WNK2: variants seen among roughly 807,000 people sequenced by gnomAD.
WNK2 encodes the protein serine/threonine-protein kinase WNK2.
WNK2 carries 67 observed loss-of-function variants against 192.1 expected under a neutral mutation model. That is an observed-to-expected ratio of 0.35 (90% CI 0.29 to 0.43). The LOEUF is 0.43. Among genes scored for constraint, WNK2 ranks in the 20% least tolerant of loss-of-function variants. WNK2 has a pLI of 1.00. For missense variants in WNK2, 2,698 were observed against 3,089.7 expected, an observed-to-expected ratio of 0.87 and a Z score of 3.01; for synonymous variants, 1,439 against 1,393.9, an observed-to-expected ratio of 1.03 and a Z score of -0.72.
At chr9:93,319,542 A>G (rs1011040968) in intron 29 of WNK2, among the ~76,000 whole-genome samples, 12 of 152,236 alleles carry the variant, frequency 7.9e-5, no homozygotes, top group African/African-American at 2.7e-4. Flanking sequence ...GGCTGTGACC[A>G]TGATGGAGGG....
Position 93,288,801 on chromosome 9 carries a change from T to C in WNK2, c.4047T>C (p.Tyr1349=). ...PPEASQDSAP[Y]KDQLSSKEQP... ...CATTTCTTCTAGATTCAGCGCCCTA[T>C]AAAGACCAGCTGTCCTCGAAGGAAC... The change falls in exon 20 of 30, where the codon TAT becomes TAC. Residue 1349 remains tyrosine (Y), a synonymous_variant. Coordinates refer to ENST00000427277, the MANE Select transcript of WNK2 (RefSeq NM_006648.4). 1 of 1,611,342 alleles carries C rather than the reference T, an allele frequency of 6.2e-7. No individual in the cohort carries two copies. The highest frequency in any genetic ancestry group is 8.5e-7 in the Non-Finnish European group (1 of 1,179,236).
chr9:93,275,483 C>T (rs1741473726), intron 19 of WNK2, among the ~76,000 whole-genome samples: 1 of 152,040 alleles, frequency 6.6e-6, no homozygotes, highest in South Asian at 2.1e-4. Flanking sequence ...TACATACACA[C>T]AACATAAAAA....
intron 12 of WNK2, among the ~76,000 whole-genome samples, chr9:93,260,800 G>C (rs575411753): frequency 6.6e-6 from 1 of 152,230 alleles, no homozygotes; most frequent in Non-Finnish European, 1.5e-5. Flanking sequence ...GCAGGTTTCA[G>C]CGGCAGCTCA....
intron 19 of WNK2, among the ~76,000 whole-genome samples, chr9:93,274,538 A>AAAAAAAAG (rs59244049): frequency 6.9e-6 from 1 of 145,396 alleles, no homozygotes. Context: ...AAAAAAAAAA[A>AAAAAAAAG]GAAAAAAAAC....
intron 2 of WNK2, among the ~76,000 whole-genome samples, chr9:93,202,325 C>CAT (rs1554679105): frequency 0.018 from 2,310 of 130,654 alleles, 59 homozygotes; most frequent in African/African-American, 0.06. Context: ...TCCGTGTGCA[C>CAT]GTGTGTGTGT....
Position 93,229,776 on chromosome 9 carries a change from C to T in WNK2, c.762C>T (p.Ile254=), listed in dbSNP as rs576508893. The change falls in exon 3 of 30, where the codon ATC becomes ATT. Residue 254 remains isoleucine (I), a synonymous_variant. Transcript: ENST00000427277. The surrounding 1 kb of genome is among the most constrained non-coding windows in gnomAD (Gnocchi z 4.9). ...TGAAAGGCCTGCAGCACCCCAACAT[C>T]GTGCGCTTCTACGACTTCTGGGAGT... ...EMLKGLQHPN[I]VRFYDFWESS... 2.7e-5 allele frequency: 43 copies of T among 1,613,880 alleles called. No individual in the cohort carries two copies. Among genetic ancestry groups the T allele is most frequent in the East Asian group, 1.8e-4 (8 of 44,884 alleles).
chr9:93,202,290 A>G (rs923846458), intron 2 of WNK2, among the ~76,000 whole-genome samples: 3 of 149,682 alleles, frequency 2.0e-5, no homozygotes, highest in African/African-American at 7.4e-5. Context: ...GGGACCTGGT[A>G]TGCTTCTCAG....
intron 2 of WNK2, among the ~76,000 whole-genome samples, chr9:93,186,368 T>C (rs1047854991): frequency 1.3e-5 from 2 of 152,142 alleles, no homozygotes; most frequent in African/African-American, 4.8e-5. Flanking sequence ...ATCACCGTGG[T>C]GTCAGCCCCA....
intron 8 of WNK2, among the ~76,000 whole-genome samples, chr9:93,248,905 T>C (rs1459802997): frequency 6.6e-6 from 1 of 152,242 alleles, no homozygotes; most frequent in East Asian, 1.9e-4. Context: ...AGATCATTCA[T>C]GTGCAAAGAC....
At chr9:93,236,866 G>A (rs1415727709) in intron 5 of WNK2, among the ~76,000 whole-genome samples, 1 of 152,268 alleles carries the variant, frequency 6.6e-6, no homozygotes, top group Admixed American at 6.5e-5. Context: ...ACCGCATCAT[G>A]GCGCTGCCTC....
chr9:93,317,691 G>GGACAGA, intron 29 of WNK2, 60 bp downstream of exon 29: 12 of 1,571,538 alleles, frequency 7.6e-6, no homozygotes, highest in Non-Finnish European at 1.0e-5. Context: ...TCAGTACAGA[G>GGACAGA]GCCTGCTCCC....
In WNK2 at chr9:93,231,059, C is replaced by T; in HGVS notation, c.1026C>T (p.Asp342=). The change falls in exon 4 of 30, where the codon GAC becomes GAT. Residue 342 remains aspartate, a synonymous_variant. Transcript: ENST00000427277. ...TGPTGSVKIG[D]LGLATLKRAS... ...CAACTGGGTCTGTGAAGATTGGCGA[C>T]TTGGGCCTGGCCACTCTGAAAAGAG... 6.2e-7 allele frequency: 1 copy of T among 1,613,960 alleles called. No homozygotes were observed. Among genetic ancestry groups the T allele is most frequent in the South Asian group, 1.1e-5 (1 of 91,076 alleles).
chr9:93,241,844 G>T (rs1840828098), intron 7 of WNK2, among the ~76,000 whole-genome samples: 1 of 151,562 alleles, frequency 6.6e-6, no homozygotes. Context: ...GGGAGCAGCA[G>T]TCTCTCAGCT....
chr9:93,295,847 T>TCCC (rs1850215528), intron 23 of WNK2, among the ~76,000 whole-genome samples: 1 of 106,304 alleles, frequency 9.4e-6, no homozygotes, highest in African/African-American at 3.7e-5. Flanking sequence ...ACTTTCCTCC[T>TCCC]CTCTCCATCC....
chr9:93,240,355 G>A (rs913200268), intron 7 of WNK2, among the ~76,000 whole-genome samples: 1 of 152,198 alleles, frequency 6.6e-6, no homozygotes, highest in Non-Finnish European at 1.5e-5. Context: ...GTGGCTTTGG[G>A]TTTGGGATCT....
At chr9:93,202,364 G>GTGTGTA (rs576221975) in intron 2 of WNK2, among the ~76,000 whole-genome samples, 3,457 of 145,900 alleles carry the variant, frequency 0.024, 39 homozygotes, top group East Asian at 0.039. Context: ...GTGTGTGTGT[G>GTGTGTA]TGTATGTCTC....
chr9:93,287,072 C>G (rs181797310), intron 19 of WNK2, among the ~76,000 whole-genome samples: 19 of 152,336 alleles, frequency 1.2e-4, no homozygotes, highest in Non-Finnish European at 2.1e-4. Flanking sequence ...TGAGTAAGCT[C>G]TAGAGCTTTG....
At position 93,262,634 on chromosome 9, in the gene WNK2, A is replaced by G. The variant is rs1482432280; in HGVS notation, c.3361-36A>G. 3.1e-6 allele frequency: 5 copies of G among 1,611,732 alleles called. No individual in the cohort carries two copies. In the South Asian group the frequency reaches 5.5e-5, roughly 18 times the overall value. On this transcript the variant is annotated intron_variant, in intron 13 of 29. Coordinates refer to ENST00000427277, the MANE Select transcript of WNK2 (RefSeq NM_006648.4). ...TGCCCACAGGGAGGCGGGAGTCCGC[A>G]TGACCTGTTCTCTTTTCTCCGGGTG...
chr9:93,190,234 G>A (rs764077838), intron 2 of WNK2, among the ~76,000 whole-genome samples: 2 of 152,218 alleles, frequency 1.3e-5, no homozygotes, highest in African/African-American at 2.4e-5. Flanking sequence ...TGGGCGCCAA[G>A]CTCTCAGTGG....
Sources: gnomAD v4.1 joint callset for allele counts (sites outside exome capture counted in the v4.1 genomes callset) on GRCh38, gnomAD v4.1.1 for gene constraint, Gnocchi (gnomAD v3.1) non-coding constraint, MANE v1.5 for transcripts, NCBI Gene and HGNC (gene_info 2026-07-23, HGNC 2026-07-21) for gene names.